Variants in C1orf146 observed in about 807,000 individuals in gnomAD.
C1orf146 encodes chromosome 1 open reading frame 146.
C1orf146 carries 22 observed loss-of-function variants against 23.0 expected under a neutral mutation model. The observed-to-expected ratio is 0.96, with a 90% CI of 0.68 to 1.36. The LOEUF is 1.36. Ranked by LOEUF, C1orf146 falls within the 40% of genes most tolerant of loss-of-function variation. The pLI is 0.00. For missense variants in C1orf146, 199 were observed against 206.8 expected (o/e 0.96, Z 0.23); for synonymous variants, 59 against 65.3 (o/e 0.90, Z 0.47).
intron 1 of C1orf146, 38 bp from the exon 2 acceptor site, chr1:92,231,344 A>G: frequency 3.1e-6 from 3 of 956,156 alleles, no homozygotes; most frequent in African/African-American, 1.7e-5. Context: ...CATTCATCAG[A>G]TATTTCTTTG....
At chr1:92,243,981 G>C (rs1324071146) in intron 3 of C1orf146, among the ~76,000 whole-genome samples, 1 of 150,216 alleles carries the variant, frequency 6.7e-6, no homozygotes, top group African/African-American at 2.4e-5. Context: ...AGTAGTTACT[G>C]ATCCAAAAAA....
At chr1:92,218,903 C>T (rs1432839407) in intron 1 of C1orf146, among the ~76,000 whole-genome samples, 1 of 152,180 alleles carries the variant, frequency 6.6e-6, no homozygotes, top group African/African-American at 2.4e-5. Context: ...ACTGCCCCAG[C>T]CCCAGGTTTC....
intron 2 of C1orf146, among the ~76,000 whole-genome samples, chr1:92,238,391 A>G (rs949558300): frequency 4.6e-5 from 7 of 152,152 alleles, no homozygotes; most frequent in African/African-American, 1.7e-4. Context: ...AGAGACTTTA[A>G]TATGCTCAAA....
chr1:92,236,615 T>C (rs1194035724), intron 2 of C1orf146, among the ~76,000 whole-genome samples: 4 of 152,174 alleles, frequency 2.6e-5, no homozygotes, highest in Non-Finnish European at 5.9e-5. Context: ...AGGAGTATCT[T>C]TGTGGCGTTC....
intron 1 of C1orf146, among the ~76,000 whole-genome samples, chr1:92,227,452 T>C (rs1651995462): frequency 6.6e-6 from 1 of 152,082 alleles, no homozygotes; most frequent in Non-Finnish European, 1.5e-5. Flanking sequence ...GGCAGGAGAA[T>C]GGCGTGAACC....
At chr1:92,245,056 A>G (rs1486232678) in intron 5 of C1orf146, among the ~76,000 whole-genome samples, 199 bp downstream of exon 5, 1 of 152,190 alleles carries the variant, frequency 6.6e-6, no homozygotes, top group African/African-American at 2.4e-5. Context: ...CTACCATTTA[A>G]GACTCACTTG....
chr1:92,236,007 T>C (rs2100742177), intron 2 of C1orf146, among the ~76,000 whole-genome samples: 1 of 152,330 alleles, frequency 6.6e-6, no homozygotes, highest in South Asian at 2.1e-4. Flanking sequence ...TGTGTGTCTC[T>C]GCATGTGAGA....
Position 92,244,319 on chromosome 1 carries a change from T to C in C1orf146, c.263T>C (p.Phe88Ser), listed in dbSNP as rs1652511966. ...TTTATTAACATTCACCAAAATAGTTTTTTGGTTTTGTCTGCTGCCCTCCAT... is the reference window on the plus strand; with the variant it reads ...TTTATTAACATTCACCAAAATAGTTCTTTGGTTTTGTCTGCTGCCCTCCAT... The part of the protein sequence containing the change: ...EKFINIHQNS[F>S]LVLSAALHGP... Residue 88 changes from phenylalanine (F) to serine (S), a missense_variant, in exon 4 of 6, where the codon TTT (phenylalanine) becomes TCT (serine). Coordinates refer to ENST00000370375, the MANE Select transcript of C1orf146 (RefSeq NM_001012425.2). 2.5e-6 allele frequency: 4 copies of C among 1,612,974 alleles called. No homozygotes were observed. The South Asian group carries it at 4.4e-5, about 18-fold the overall frequency.
At chr1:92,218,592 C>T (rs1651737334) in intron 1 of C1orf146, among the ~76,000 whole-genome samples, 1 of 152,060 alleles carries the variant, frequency 6.6e-6, no homozygotes, top group African/African-American at 2.4e-5. Context: ...GTTCAGGAGT[C>T]CGTGTGCAGG....
intron 1 of C1orf146, among the ~76,000 whole-genome samples, chr1:92,229,878 AC>A (rs1355941607): frequency 1.3e-5 from 2 of 152,200 alleles, no homozygotes; most frequent in African/African-American, 4.8e-5. Context: ...TGGAGATATG[AC>A]TTTAGGGTTT....
intron 1 of C1orf146, among the ~76,000 whole-genome samples, chr1:92,228,644 A>G (rs1197814258): frequency 1.3e-5 from 2 of 152,170 alleles, no homozygotes; most frequent in Non-Finnish European, 2.9e-5. Flanking sequence ...CTGACACATT[A>G]ATACCCTGCA....
intron 2 of C1orf146, among the ~76,000 whole-genome samples, chr1:92,240,183 G>T (rs1383010076): frequency 6.6e-6 from 1 of 152,210 alleles, no homozygotes; most frequent in East Asian, 1.9e-4. Flanking sequence ...TATAGTCCCT[G>T]TGAGAGCTGT....
chr1:92,231,987 G>A (rs1247025458), intron 2 of C1orf146, among the ~76,000 whole-genome samples: 6 of 152,168 alleles, frequency 3.9e-5, no homozygotes, highest in South Asian at 2.1e-4. Context: ...TTTATCTTAC[G>A]GACACCAGCT....
Position 92,218,433 on chromosome 1 carries a change from A to G in C1orf146, c.-40+385A>G, listed in dbSNP as rs531203557. Among the ~76,000 whole-genome samples, 10 of 152,232 alleles carry G rather than the reference A, an allele frequency of 6.6e-5. No individual in the cohort carries two copies. The South Asian group carries it at 2.1e-3, about 32-fold the overall frequency. The stretch of plus-strand genomic sequence containing the variant: ...GCTGGAGATGATGGGGCAGTGTTAA[A>G]CTTAAATTTGCAAACACTCCAGAGC... On this transcript the variant is annotated intron_variant, in intron 1 of 5. Transcript: ENST00000370375.
intron 2 of C1orf146, among the ~76,000 whole-genome samples, chr1:92,232,320 T>C (rs975889042): frequency 2.1e-4 from 30 of 143,216 alleles, no homozygotes; most frequent in African/African-American, 7.4e-4. Context: ...CCATGTGTTC[T>C]CATTGTTCAA....
At chr1:92,242,795 G>A (rs931977421) in intron 3 of C1orf146, among the ~76,000 whole-genome samples, 4 of 152,294 alleles carry the variant, frequency 2.6e-5, no homozygotes, top group South Asian at 2.1e-4. Context: ...AGTCCAGTAA[G>A]GAATTAGATT....
rs549379912 is a variant in C1orf146 at position 92,234,036 on chromosome 1, C to A, written c.66+2550C>A. On this transcript the variant is annotated intron_variant, in intron 2 of 5. Coordinates refer to ENST00000370375, the MANE Select transcript of C1orf146 (RefSeq NM_001012425.2). ...CTGAGACGATGGGGTTTTCTAGATACACAATCATGTCATCTGCAAACAGGG... is the reference window on the plus strand; with the variant it reads ...CTGAGACGATGGGGTTTTCTAGATAAACAATCATGTCATCTGCAAACAGGG... Among the ~76,000 whole-genome samples the A allele has an allele frequency of 3.3e-5, 5 of 152,194 alleles. No homozygotes were observed. In the East Asian group the frequency reaches 7.7e-4, roughly 24 times the overall value.
intron 1 of C1orf146, among the ~76,000 whole-genome samples, chr1:92,225,241 G>A (rs1014913174): frequency 2.6e-5 from 4 of 151,732 alleles, no homozygotes; most frequent in Non-Finnish European, 5.9e-5. Context: ...ACGTAGCTGG[G>A]ACTAGAGTTG....
chr1:92,221,130 A>G (rs988175900), intron 1 of C1orf146, among the ~76,000 whole-genome samples: 5 of 152,236 alleles, frequency 3.3e-5, no homozygotes, highest in African/African-American at 9.6e-5. Context: ...GAACATATAC[A>G]TCATAGAATA....
Sources: allele counts gnomAD v4.1 joint callset (sites outside exome capture counted in the v4.1 genomes callset), GRCh38; gene constraint gnomAD v4.1.1; transcripts MANE v1.5; gene names NCBI Gene and HGNC (gene_info 2026-07-23, HGNC 2026-07-21).